SHCBP1L: variants seen among roughly 807,000 people sequenced by gnomAD.
SHCBP1L encodes SHC binding and spindle associated 1 like.
A neutral mutation model predicts 62.5 loss-of-function variants in SHCBP1L; 67 were observed. The ratio of observed to expected loss-of-function variants is 1.07; its 90% confidence interval spans 0.88 to 1.31. The LOEUF (loss-of-function observed/expected upper bound fraction) is 1.31, where lower values mean the gene tolerates loss of function less well. Ranked by LOEUF, SHCBP1L falls within the 40% of genes most tolerant of loss-of-function variation. The probability of loss-of-function intolerance (pLI) is 0.00; values close to 1 mark genes in which losing one functional copy is unlikely to be tolerated. For missense variants in SHCBP1L, 823 were observed against 809.8 expected (o/e 1.02, Z -0.20); for synonymous variants, 284 against 289.4 (o/e 0.98, Z 0.19).
At chr1:182,907,201 G>A (rs1650040162) in intron 6 of SHCBP1L, among the ~76,000 whole-genome samples, 1 of 151,788 alleles carries the variant, frequency 6.6e-6, no homozygotes, top group Admixed American at 6.6e-5. Flanking sequence ...GGGAGGCCAA[G>A]GTGGGTGGAT....
At chr1:182,950,782 T>C (rs1403382414) in intron 2 of SHCBP1L, 2 of 152,268 alleles carry the variant, frequency 1.3e-5, no homozygotes, top group East Asian at 1.9e-4. Context: ...AGTCTCACTC[T>C]GTTGCCCAGG....
intron 2 of SHCBP1L, among the ~76,000 whole-genome samples, chr1:182,943,084 A>G (rs985405430): frequency 6.6e-6 from 1 of 152,178 alleles, no homozygotes; most frequent in Non-Finnish European, 1.5e-5. Flanking sequence ...ATTACGAAAT[A>G]TGATACTGAG....
At chr1:182,915,945 C>T (rs1650344030) in intron 6 of SHCBP1L, among the ~76,000 whole-genome samples, 1 of 151,824 alleles carries the variant, frequency 6.6e-6, no homozygotes, top group East Asian at 1.9e-4. Flanking sequence ...TAGCTGGGAC[C>T]ACAGGCGCCC....
chr1:182,942,292 T>G, intron 2 of SHCBP1L: 1 of 1,035,432 alleles, frequency 9.7e-7, no homozygotes, highest in Non-Finnish European at 1.5e-6. Flanking sequence ...CTGCTGCCTT[T>G]TTCGGCTTCG....
intron 9 of SHCBP1L, among the ~76,000 whole-genome samples, chr1:182,901,418 T>C (rs1159712055): frequency 6.6e-6 from 1 of 152,000 alleles, no homozygotes; most frequent in Non-Finnish European, 1.5e-5. Context: ...GATCGCGCCA[T>C]TACACTCCAG....
intron 6 of SHCBP1L, among the ~76,000 whole-genome samples, chr1:182,918,619 A>G (rs1451122723): frequency 1.3e-5 from 2 of 152,188 alleles, no homozygotes; most frequent in African/African-American, 4.8e-5. Context: ...CCCTATCAGA[A>G]TTTCAATAGC....
chr1:182,916,893 G>T (rs949689889), intron 6 of SHCBP1L, among the ~76,000 whole-genome samples: 1 of 152,178 alleles, frequency 6.6e-6, no homozygotes, highest in Non-Finnish European at 1.5e-5. Context: ...CTACTTGAAG[G>T]TAGAGGGTGG....
Position 182,940,434 on chromosome 1 carries a change from T to A in SHCBP1L, c.665A>T (p.Glu222Val). The change falls in exon 3 of 10, where the codon GAG (glutamate) becomes GTG (valine). Residue 222 changes from glutamate to valine, a missense_variant. Physicochemically the swap from Glu to Val is moderately radical, Grantham distance 121. Transcript: ENST00000367547. ...IANIPRDLVD[E>V]ILEELEHSVP... is the part of the protein sequence containing the mutation. ...ACTGTGTTCCAGTTCCTCCAAAATC[T>A]CATCAACCAAATCTCTTGGAATATT... The A allele has an allele frequency of 6.2e-7, 1 of 1,613,968 alleles. No homozygotes were observed. The highest frequency in any genetic ancestry group is 8.5e-7 in the Non-Finnish European group (1 of 1,179,964).
chr1:182,920,909 T>C (rs1032996375), intron 6 of SHCBP1L, among the ~76,000 whole-genome samples: 13 of 152,134 alleles, frequency 8.5e-5, no homozygotes, highest in Admixed American at 6.5e-5. Context: ...CTACGACTCA[T>C]TGGCATCCCT....
intron 5 of SHCBP1L, among the ~76,000 whole-genome samples, chr1:182,934,535 G>A (rs752596159): frequency 1.3e-5 from 2 of 152,000 alleles, no homozygotes; most frequent in African/African-American, 2.4e-5. Flanking sequence ...TAATTGGGTT[G>A]TTTGTTATGT....
intron 2 of SHCBP1L, chr1:182,942,412 A>C (rs1651399102): frequency 1.4e-6 from 1 of 709,190 alleles, no homozygotes; most frequent in East Asian, 2.7e-5. Context: ...TCCTGGCGGC[A>C]GGCAGGGCGC....
intron 6 of SHCBP1L, among the ~76,000 whole-genome samples, chr1:182,927,071 TATATATATATATATATATATATATATATA>T (rs1650781061): frequency 2.7e-4 from 1 of 3,710 alleles, no homozygotes; most frequent in African/African-American, 8.7e-4. Flanking sequence ...TATATATATA[TATATATATATATATATATATATATATATA>T]TATATATATA....
intron 6 of SHCBP1L, among the ~76,000 whole-genome samples, chr1:182,923,317 T>A (rs1039468815): frequency 6.6e-6 from 1 of 152,332 alleles, no homozygotes; most frequent in African/African-American, 2.4e-5. Context: ...TAAGAGTTGC[T>A]ACCAATCCTG....
chr1:182,925,103 G>A (rs1650700169), intron 6 of SHCBP1L, among the ~76,000 whole-genome samples: 1 of 151,256 alleles, frequency 6.6e-6, no homozygotes, highest in African/African-American at 2.4e-5. Flanking sequence ...GGAAAGAAGT[G>A]AAGAAAGAAA....
At chr1:182,900,810 A>G (rs1649810112) in intron 9 of SHCBP1L, among the ~76,000 whole-genome samples, 1 of 152,148 alleles carries the variant, frequency 6.6e-6, no homozygotes, top group Non-Finnish European at 1.5e-5. Context: ...AGGCAGAAGG[A>G]TAGCTTGAGC....
At chr1:182,908,163 T>C (rs1193034533) in intron 6 of SHCBP1L, among the ~76,000 whole-genome samples, 1 of 152,210 alleles carries the variant, frequency 6.6e-6, no homozygotes, top group East Asian at 1.9e-4. Context: ...TTTCAACTTA[T>C]TTTAGATATG....
chr1:182,903,792 C>T (rs1649917059), intron 8 of SHCBP1L, among the ~76,000 whole-genome samples: 1 of 152,090 alleles, frequency 6.6e-6, no homozygotes, highest in Admixed American at 6.6e-5. Context: ...CTGTGCTTGG[C>T]CTCAAGTTTT....
In SHCBP1L at chr1:182,904,169, G is replaced by T. The variant is rs755325710; in HGVS notation, c.1587+11C>A. 3 of 1,612,730 alleles carry T rather than the reference G, an allele frequency of 1.9e-6. No individual in the cohort carries two copies. Among genetic ancestry groups the T allele is most frequent in the Non-Finnish European group, 2.5e-6 (3 of 1,179,430 alleles). On this transcript the variant is annotated intron_variant, in intron 8 of 9. Transcript: ENST00000367547. ...GTCATATAAGGCCATACTTTTTAAA[G>T]AATGAAATACCTGGGCGCCAGTTAT...
chr1:182,940,551 A>C lies in SHCBP1L; in HGVS notation c.556-8T>G. 1.9e-6 allele frequency: 3 copies of C among 1,609,650 alleles called. No individual in the cohort carries two copies. ...GTATGGTTCACAAGTTACCTAAGAT[A>C]AATATCATAAGAGATAAGAGATATA... On this transcript the variant is annotated splice_region_variant and splice_polypyrimidine_tract_variant and intron_variant, in intron 2 of 9. Transcript: ENST00000367547.
Sources: gnomAD v4.1 joint callset for allele counts (sites outside exome capture counted in the v4.1 genomes callset) on GRCh38, gnomAD v4.1.1 for gene constraint, MANE v1.5 for transcripts, NCBI Gene and HGNC (gene_info 2026-07-23, HGNC 2026-07-21) for gene names.